FNDC1: variants seen among roughly 807,000 people sequenced by gnomAD.
The protein encoded by FNDC1 is fibronectin type III domain containing 1.
In FNDC1, 96 loss-of-function variants were observed where a neutral mutation model predicts 168.0. That is an observed-to-expected ratio of 0.57 (90% CI 0.48 to 0.68). The LOEUF (loss-of-function observed/expected upper bound fraction) is 0.68. Among genes scored for constraint, FNDC1 ranks in the 30% least tolerant of loss-of-function variants. The probability of loss-of-function intolerance (pLI) is 0.00; values close to 1 mark genes in which losing one functional copy is unlikely to be tolerated. For missense variants in FNDC1, 2,587 were observed against 2,482.1 expected (o/e 1.04, Z -0.90); for synonymous variants, 1,099 against 1,025.9 (o/e 1.07, Z -1.36).
In FNDC1 at chr6:159,211,543, T is replaced by C. The variant is rs528821951; in HGVS notation, c.461-3402T>C. On this transcript the variant is annotated intron_variant, in intron 4 of 22. Coordinates refer to ENST00000297267, the MANE Select transcript of FNDC1 (RefSeq NM_032532.3). ...GTCCTTGGCAATAAGCCCTCTCTTT[T>C]GCTCACATTTGGTTCTTTGAAACAT... Among the ~76,000 whole-genome samples the C allele has an allele frequency of 2.0e-5, 3 of 152,364 alleles. No homozygotes were observed. In the South Asian group the frequency reaches 6.2e-4, roughly 32 times the overall value.
chr6:159,179,323 G>A (rs1781833973), intron 1 of FNDC1, among the ~76,000 whole-genome samples: 1 of 152,222 alleles, frequency 6.6e-6, no homozygotes, highest in African/African-American at 2.4e-5. Flanking sequence ...GCCAGGCATG[G>A]TGGCAGACGC....
intron 6 of FNDC1, 119 bp downstream of exon 6, chr6:159,221,815 CAG>C (rs1325358937): frequency 2.4e-6 from 2 of 839,074 alleles, no homozygotes; most frequent in Non-Finnish European, 3.9e-6. Context: ...AAAGAAATAA[CAG>C]GGCAAATGTG....
rs1473873394 is a variant in FNDC1 at position 159,233,696 on chromosome 6, G to A, written c.3184G>A (p.Gly1062Arg). The A allele has an allele frequency of 1.4e-5, 21 of 1,549,648 alleles. No individual in the cohort carries two copies. The highest frequency in any genetic ancestry group is 2.0e-5 in the Admixed American group (1 of 51,044). Residue 1062 changes from glycine (G) to arginine (R), a missense_variant, in exon 11 of 23, where the codon GGG becomes AGG. Gly to Arg is a moderately radical substitution (Grantham distance 125). Transcript: ENST00000297267. The surrounding 1 kb of genome is among the most constrained non-coding windows in gnomAD (Gnocchi z 4.6). ...SSDPYTASSR[G>R]MLPTALQNQD... ...GGACCCTTACACGGCGAGCTCCAGAGGGATGCTCCCCACGGCCCTCCAGAA... is the reference window on the plus strand; with the variant it reads ...GGACCCTTACACGGCGAGCTCCAGAAGGATGCTCCCCACGGCCCTCCAGAA...
intron 17 of FNDC1, among the ~76,000 whole-genome samples, chr6:159,251,859 C>A (rs1459458123): frequency 1.3e-5 from 2 of 152,170 alleles, no homozygotes; most frequent in Non-Finnish European, 2.9e-5. Flanking sequence ...ACATCTCTAA[C>A]ATCCTATAAT....
rs41267771 is a variant in FNDC1, at chr6:159,264,876, T to C, written c.5255-99T>C. On this transcript the variant is annotated intron_variant, in intron 19 of 22. Coordinates refer to ENST00000297267, the MANE Select transcript of FNDC1 (RefSeq NM_032532.3). Reference sequence around the variant, plus strand: ...CTATCAAACCTTATCTTTTTCTTTATTCTAATTTGGTTAGCTATTTCAGTT... The same window carrying C: ...CTATCAAACCTTATCTTTTTCTTTACTCTAATTTGGTTAGCTATTTCAGTT... The C allele has an allele frequency of 6.8e-3, 6,348 of 937,936 alleles. 35 individuals carry two copies. Among genetic ancestry groups the C allele is most frequent in the South Asian group, 0.011 (610 of 56,670 alleles). The allele number at this position is 937,936 out of a possible 1,614,324, so 58.1% of individuals were successfully genotyped here.
At chr6:159,258,686 T>G (rs1179635403) in intron 18 of FNDC1, among the ~76,000 whole-genome samples, 1 of 152,228 alleles carries the variant, frequency 6.6e-6, no homozygotes, top group African/African-American at 2.4e-5. Context: ...TTATGTGCTC[T>G]TCTGGTAGAG....
intron 15 of FNDC1, among the ~76,000 whole-genome samples, chr6:159,248,372 C>A (rs1456100027): frequency 6.6e-6 from 1 of 151,510 alleles, no homozygotes; most frequent in Non-Finnish European, 1.5e-5. Flanking sequence ...GTGGCGTGAT[C>A]TTGGCTCACG....
In FNDC1 at chr6:159,187,306, C is replaced by T. The variant is rs573014286; in HGVS notation, c.110-10125C>T. ...GCTTCCATTGCTGTCCTCCATCTCTCGTGGCACCTGGGACACCTGCTTGCC... is the reference window on the plus strand; with the variant it reads ...GCTTCCATTGCTGTCCTCCATCTCTTGTGGCACCTGGGACACCTGCTTGCC... On this transcript the variant is annotated intron_variant, in intron 1 of 22. Transcript: ENST00000297267. Among the ~76,000 whole-genome samples, 11 of 152,290 alleles carry T rather than the reference C, an allele frequency of 7.2e-5. No homozygotes were observed. In the East Asian group the frequency reaches 1.2e-3, roughly 16 times the overall value.
intron 5 of FNDC1, among the ~76,000 whole-genome samples, chr6:159,216,151 G>A (rs1399100729): frequency 6.6e-6 from 1 of 152,040 alleles, no homozygotes; most frequent in Admixed American, 6.5e-5. Flanking sequence ...TAGTAGACAC[G>A]GGGTTTCACC....
intron 4 of FNDC1, among the ~76,000 whole-genome samples, chr6:159,210,380 C>A (rs556363772): frequency 2.0e-5 from 3 of 152,310 alleles, no homozygotes; most frequent in Non-Finnish European, 4.4e-5. Context: ...CCTTTCTGAG[C>A]CTCACTTCTT....
chr6:159,247,000 A>G, intron 15 of FNDC1, 31 bp downstream of exon 15: 2 of 1,420,826 alleles, frequency 1.4e-6, no homozygotes, highest in Middle Eastern at 1.7e-4. Flanking sequence ...AATTATTTGC[A>G]CACTTTCTTT....
chr6:159,251,497 A>G lies in FNDC1; in HGVS notation c.5030A>G (p.Asp1677Gly). 1 of 1,613,818 alleles carries G rather than the reference A, an allele frequency of 6.2e-7. No homozygotes were observed. The highest frequency in any genetic ancestry group is 8.5e-7 in the Non-Finnish European group (1 of 1,179,850). Residue 1677 changes from aspartate to glycine, a missense_variant, in exon 17 of 23, where the codon GAC (aspartate) becomes GGC (glycine). Asp to Gly is a moderately conservative substitution (Grantham distance 94, BLOSUM62 -1). Transcript: ENST00000297267. Reference sequence around the variant, plus strand: ...GGTTGCCACTCATTTGTCATTGTGGACTGGGACAAAGCCACCCCAGGAGAT... The same window carrying G: ...GGTTGCCACTCATTTGTCATTGTGGGCTGGGACAAAGCCACCCCAGGAGAT... The part of the protein sequence containing the change: ...VEGCHSFVIV[D>G]WDKATPGDVV...
chr6:159,221,525 G>A (rs986570260), intron 5 of FNDC1, 73 bp from the exon 6 acceptor site: 6 of 1,217,886 alleles, frequency 4.9e-6, no homozygotes, highest in South Asian at 1.2e-5. Context: ...CAGAACCCCC[G>A]CTCCAGCCCC....
intron 18 of FNDC1, among the ~76,000 whole-genome samples, chr6:159,257,501 T>C (rs1381531319): frequency 2.0e-5 from 3 of 152,164 alleles, no homozygotes; most frequent in Non-Finnish European, 4.4e-5. Context: ...GGAGCCACCA[T>C]ATTTGCCTAG....
chr6:159,236,796 T>A (rs1653062569), intron 12 of FNDC1, among the ~76,000 whole-genome samples: 2 of 152,216 alleles, frequency 1.3e-5, no homozygotes, highest in African/African-American at 4.8e-5. Context: ...TACTGGAAAT[T>A]TTTATTAGAT....
At chr6:159,220,921 A>T (rs1361372611) in intron 5 of FNDC1, among the ~76,000 whole-genome samples, 1 of 152,150 alleles carries the variant, frequency 6.6e-6, no homozygotes, top group Non-Finnish European at 1.5e-5. Context: ...GTGTTGTTCA[A>T]GGACCAGCTG....
chr6:159,174,845 G>T (rs1317090766), intron 1 of FNDC1, among the ~76,000 whole-genome samples: 1 of 152,218 alleles, frequency 6.6e-6, no homozygotes, highest in East Asian at 1.9e-4. Context: ...GGATGTCTCA[G>T]GGGTACCAGC....
At position 159,232,496 on chromosome 6, in the gene FNDC1, G is replaced by A. The variant is rs1190667940; in HGVS notation, c.1984G>A (p.Ala662Thr). Residue 662 changes from alanine (A) to threonine (T), a missense_variant, in exon 11 of 23, where the codon GCC becomes ACC. Coordinates refer to ENST00000297267, the MANE Select transcript of FNDC1 (RefSeq NM_032532.3). This position sits in a 1 kb window ranked among gnomAD's most constrained non-coding sequence, Gnocchi z 4.9. ...RAVGSLHPKG[A>T]FAQPRPALSP... ...TGTGGGCTCCCTCCACCCCAAGGGC[G>A]CCTTCGCCCAGCCCCGGCCAGCCCT... 5 of 1,612,212 alleles carry A rather than the reference G, an allele frequency of 3.1e-6. No homozygotes were observed. Among genetic ancestry groups the A allele is most frequent in the South Asian group, 1.1e-5 (1 of 90,888 alleles).
At chr6:159,198,213 C>T (rs1224281524) in intron 2 of FNDC1, among the ~76,000 whole-genome samples, 1 of 152,198 alleles carries the variant, frequency 6.6e-6, no homozygotes, top group African/African-American at 2.4e-5. Context: ...CCTCTGAATC[C>T]TCTGTCTTCT....
Sources: gnomAD v4.1 joint callset for allele counts (sites outside exome capture counted in the v4.1 genomes callset) on GRCh38, gnomAD v4.1.1 for gene constraint, Gnocchi (gnomAD v3.1) non-coding constraint, MANE v1.5 for transcripts, NCBI Gene and HGNC (gene_info 2026-07-23, HGNC 2026-07-21) for gene names.